The following GABBR2 variants were observed in gnomAD, a reference collection of about 807,000 sequenced individuals.
GABBR2 encodes the protein G-protein coupled receptor 51.
A neutral mutation model predicts 105.6 loss-of-function variants in GABBR2; 23 were observed. The ratio of observed to expected loss-of-function variants is 0.22; its 90% CI spans 0.16 to 0.31. The LOEUF (loss-of-function observed/expected upper bound fraction) is 0.31. GABBR2 is among the 10% of genes least tolerant of loss of function. The pLI, the probability that GABBR2 is intolerant of heterozygous loss-of-function variation, is 1.00. For synonymous variants in GABBR2, 478 were observed against 499.7 expected, an observed-to-expected ratio of 0.96 and a Z score of 0.58; for missense variants, 734 against 1,245.5, an observed-to-expected ratio of 0.59 and a Z score of 6.18.
At chr9:98,651,540 T>G (rs1324350090) in intron 1 of GABBR2, among the ~76,000 whole-genome samples, 1 of 152,048 alleles carries the variant, frequency 6.6e-6, no homozygotes, top group Non-Finnish European at 1.5e-5. Context: ...ACTCAAGCAA[T>G]CCTCCTGTCC....
intron 1 of GABBR2, among the ~76,000 whole-genome samples, chr9:98,702,391 C>G (rs1192948030): frequency 6.6e-6 from 1 of 152,160 alleles, no homozygotes; most frequent in Admixed American, 6.5e-5. Context: ...ATTCAGGCCC[C>G]ATCACCGCTC....
chr9:98,696,915 T>C (rs1830760152), intron 1 of GABBR2, among the ~76,000 whole-genome samples: 1 of 151,640 alleles, frequency 6.6e-6, no homozygotes, highest in African/African-American at 2.4e-5. Context: ...GACAGAGAAA[T>C]GGGAGAGGGT....
chr9:98,567,698 G>A (rs968331788), intron 2 of GABBR2, among the ~76,000 whole-genome samples: 2 of 152,222 alleles, frequency 1.3e-5, no homozygotes, highest in African/African-American at 4.8e-5. Flanking sequence ...AGCCCCAGAA[G>A]GGTGGACGGG....
At chr9:98,328,436 G>T (rs1342580756) in intron 13 of GABBR2, among the ~76,000 whole-genome samples, 2 of 152,210 alleles carry the variant, frequency 1.3e-5, no homozygotes, top group Admixed American at 1.3e-4. Context: ...GAGGCTCAAA[G>T]AATCCCTTTT....
intron 1 of GABBR2, among the ~76,000 whole-genome samples, chr9:98,667,400 C>T (rs117838536): frequency 6.6e-6 from 1 of 152,138 alleles, no homozygotes; most frequent in Admixed American, 6.5e-5. Context: ...CCTTCAGGAG[C>T]TGGGCACCGC....
intron 3 of GABBR2, 43 bp downstream of exon 3, chr9:98,541,830 A>G (rs1020262212): frequency 1.3e-6 from 2 of 1,589,790 alleles, no homozygotes; most frequent in African/African-American, 2.7e-5. Context: ...AGATGACAGC[A>G]GCAAGCAGTA....
intron 6 of GABBR2, among the ~76,000 whole-genome samples, chr9:98,460,927 A>C (rs547926185): frequency 6.6e-6 from 1 of 152,382 alleles, no homozygotes; most frequent in South Asian, 2.1e-4. Context: ...CATTACTTCA[A>C]AAGAGCAATA....
intron 1 of GABBR2, among the ~76,000 whole-genome samples, chr9:98,614,262 G>T (rs530862121): frequency 1.3e-5 from 2 of 152,176 alleles, no homozygotes; most frequent in Non-Finnish European, 2.9e-5. Context: ...GGTGGCTCAC[G>T]CCTGTAATCC....
At chr9:98,359,134 T>C (rs1205828382) in intron 13 of GABBR2, among the ~76,000 whole-genome samples, 2 of 152,190 alleles carry the variant, frequency 1.3e-5, no homozygotes, top group Non-Finnish European at 2.9e-5. Context: ...GAAGTACTTA[T>C]GACATATAAA....
intron 1 of GABBR2, among the ~76,000 whole-genome samples, chr9:98,706,471 C>A (rs1466625854): frequency 6.6e-6 from 1 of 152,216 alleles, no homozygotes; most frequent in Non-Finnish European, 1.5e-5. Flanking sequence ...CCACTGTTTT[C>A]TAAATATTCC....
At chr9:98,593,935 G>C (rs368652642) in intron 1 of GABBR2, among the ~76,000 whole-genome samples, 1 of 152,180 alleles carries the variant, frequency 6.6e-6, no homozygotes, top group Admixed American at 6.5e-5. Context: ...CTGGGCTACT[G>C]TCACACATCA....
At chr9:98,356,341 C>T (rs1264273127) in intron 13 of GABBR2, among the ~76,000 whole-genome samples, 1 of 152,052 alleles carries the variant, frequency 6.6e-6, no homozygotes, top group African/African-American at 2.4e-5. Context: ...AATAAGAAAA[C>T]AACCTATTTA....
intron 1 of GABBR2, among the ~76,000 whole-genome samples, chr9:98,615,392 A>C (rs1296810270): frequency 6.6e-6 from 1 of 152,248 alleles, no homozygotes; most frequent in African/African-American, 2.4e-5. Flanking sequence ...ACAGAAGTGA[A>C]GTTCTACATA....
At chr9:98,599,626 T>C (rs911726374) in intron 1 of GABBR2, among the ~76,000 whole-genome samples, 12 of 152,240 alleles carry the variant, frequency 7.9e-5, no homozygotes, top group Non-Finnish European at 1.5e-4. Context: ...ACGGAGCATG[T>C]GGCCCCAGGC....
At chr9:98,648,911 T>G (rs1830067194) in intron 1 of GABBR2, among the ~76,000 whole-genome samples, 1 of 152,206 alleles carries the variant, frequency 6.6e-6, no homozygotes, top group Non-Finnish European at 1.5e-5. Context: ...TAATACCTGG[T>G]GATAATTCCC....
At chr9:98,666,292 A>C (rs2131857321) in intron 1 of GABBR2, among the ~76,000 whole-genome samples, 1 of 152,328 alleles carries the variant, frequency 6.6e-6, no homozygotes, top group African/African-American at 2.4e-5. Flanking sequence ...GCTGTGGCCC[A>C]ACAGGTAGAA....
intron 13 of GABBR2, among the ~76,000 whole-genome samples, chr9:98,362,309 T>A (rs1191195098): frequency 6.6e-6 from 1 of 152,244 alleles, no homozygotes; most frequent in Non-Finnish European, 1.5e-5. Context: ...AAGAAATATA[T>A]TGCCCATCAC....
At position 98,425,458 on chromosome 9, in the gene GABBR2, A is replaced by T. The variant is rs1305716246; in HGVS notation, c.1237-19317T>A. ...CATTCAATTAGTCATTTGTGCACTCATTCTTTCATCACATTTTTGTGATCA... is the reference window on the plus strand; with the variant it reads ...CATTCAATTAGTCATTTGTGCACTCTTTCTTTCATCACATTTTTGTGATCA... On this transcript the variant is annotated intron_variant, in intron 7 of 18. Coordinates refer to ENST00000259455, the MANE Select transcript of GABBR2 (RefSeq NM_005458.8). Among the ~76,000 whole-genome samples, 3 of 152,208 alleles carry T rather than the reference A, an allele frequency of 2.0e-5. No homozygotes were observed. In the East Asian group the frequency reaches 5.8e-4, roughly 29 times the overall value.
At chr9:98,372,948 ATTTTCTTTTTCT>A (rs111775866) in intron 11 of GABBR2, among the ~76,000 whole-genome samples, 43 of 151,654 alleles carry the variant, frequency 2.8e-4, no homozygotes, top group South Asian at 1.5e-3. Flanking sequence ...TTAGCCTTCT[ATTTTCTTTTTCT>A]TTTTCTTTTT....
Sources: gnomAD v4.1 joint callset for allele counts (sites outside exome capture counted in the v4.1 genomes callset) on GRCh38, gnomAD v4.1.1 for gene constraint, MANE v1.5 for transcripts, NCBI Gene and HGNC (gene_info 2026-07-23, HGNC 2026-07-21) for gene names.